Variants in USH2A observed in about 807,000 individuals in gnomAD.
The protein encoded by USH2A is Usher syndrome 2A (autosomal recessive, mild).
Under a neutral mutation model 538.9 loss-of-function variants are expected in USH2A, and 443 were observed. The ratio of observed to expected loss-of-function variants is 0.82; its 90% confidence interval spans 0.76 to 0.89. USH2A has a LOEUF of 0.89. USH2A is among the 40% of genes least tolerant of loss of function. USH2A has a pLI of 0.00. For missense variants in USH2A, 6,633 were observed against 6,324.8 expected (o/e 1.05, Z -1.65); for synonymous variants, 2,413 against 2,273.5 (o/e 1.06, Z -1.75).
At chr1:215,830,950 T>G (rs1303828693) in intron 47 of USH2A, among the ~76,000 whole-genome samples, 1 of 152,166 alleles carries the variant, frequency 6.6e-6, no homozygotes, top group African/African-American at 2.4e-5. Flanking sequence ...AACTCTAACT[T>G]TCTTCAAAGG....
intron 55 of USH2A, among the ~76,000 whole-genome samples, chr1:215,777,882 G>A (rs531798085): frequency 2.4e-4 from 36 of 152,276 alleles, no homozygotes; most frequent in African/African-American, 8.2e-4. Flanking sequence ...GAGAGTCAGA[G>A]AAGTCAAAAT....
At chr1:215,855,130 C>G (rs995939007) in intron 44 of USH2A, among the ~76,000 whole-genome samples, 1 of 152,092 alleles carries the variant, frequency 6.6e-6, no homozygotes, top group African/African-American at 2.4e-5. Context: ...CTAGCCAAAG[C>G]AATCAGACAA....
chr1:215,920,882 G>C (rs1350859949), intron 38 of USH2A, among the ~76,000 whole-genome samples: 2 of 151,944 alleles, frequency 1.3e-5, no homozygotes, highest in East Asian at 1.9e-4. Context: ...GGTCACGCAT[G>C]GTCATTTTGT....
At chr1:216,314,189 T>C (rs1287924703) in intron 9 of USH2A, among the ~76,000 whole-genome samples, 1 of 152,168 alleles carries the variant, frequency 6.6e-6, no homozygotes, top group African/African-American at 2.4e-5. Context: ...TGTAAGGCTG[T>C]CTTAATTTAT....
intron 3 of USH2A, among the ~76,000 whole-genome samples, chr1:216,399,469 C>A (rs1419846187): frequency 2.0e-5 from 3 of 152,068 alleles, no homozygotes; most frequent in Non-Finnish European, 2.9e-5. Flanking sequence ...TCCTTTTTCC[C>A]TTTCTTGTGA....
At chr1:216,264,746 C>A (rs1022022392) in intron 11 of USH2A, among the ~76,000 whole-genome samples, 2 of 152,052 alleles carry the variant, frequency 1.3e-5, no homozygotes, top group African/African-American at 4.8e-5. Flanking sequence ...GAATAGAGAA[C>A]CCAGAAATAA....
chr1:216,415,508 C>CTTTTTTTTTTTT (rs71161423), intron 3 of USH2A, among the ~76,000 whole-genome samples: 5 of 96,876 alleles, frequency 5.2e-5, no homozygotes, highest in East Asian at 3.6e-4. Flanking sequence ...CTTCCTGTCA[C>CTTTTTTTTTTTT]TTTTTTTTTT....
rs78797010 is a variant in USH2A at position 215,640,844 on chromosome 1, C to A, written c.14792-110G>T. The A allele has an allele frequency of 0.027, 13,090 of 492,656 alleles. 1 individual carries two copies. Among genetic ancestry groups the A allele is most frequent in the South Asian group, 0.09 (3,332 of 37,036 alleles). 30.5% of individuals were successfully genotyped at this position (492,656 alleles called of 1,614,324 possible). A position where few individuals can be genotyped will look rare whatever the true frequency, so the allele number is the denominator to read the frequency against. On this transcript the variant is annotated intron_variant, in intron 67 of 71. Coordinates refer to ENST00000307340, the MANE Select transcript of USH2A (RefSeq NM_206933.4). ...CAAAATCAAACCGAACCAATCCAAA[C>A]AAAAAAAAAAAAAAAAAAGAAAACC...
intron 15 of USH2A, among the ~76,000 whole-genome samples, chr1:216,215,507 A>C (rs1372120879): frequency 6.6e-6 from 1 of 152,072 alleles, no homozygotes; most frequent in Non-Finnish European, 1.5e-5. Context: ...CCCACCATTT[A>C]CATTTTTCTG....
intron 26 of USH2A, chr1:216,080,112 G>T (rs2031889951): frequency 6.6e-6 from 1 of 152,018 alleles, no homozygotes; most frequent in Admixed American, 6.6e-5. Context: ...TTTTGAGGAA[G>T]TCAAACATAA....
intron 3 of USH2A, among the ~76,000 whole-genome samples, chr1:216,408,339 A>G (rs1255363838): frequency 6.6e-6 from 1 of 152,170 alleles, no homozygotes; most frequent in East Asian, 1.9e-4. Flanking sequence ...AAGCGTATAC[A>G]TATATTGCGC....
chr1:215,733,764 T>C (rs1458721000), intron 60 of USH2A, among the ~76,000 whole-genome samples: 3 of 152,174 alleles, frequency 2.0e-5, no homozygotes, highest in Admixed American at 6.5e-5. Context: ...CAAAATAGTC[T>C]CCATTAACTC....
intron 43 of USH2A, among the ~76,000 whole-genome samples, chr1:215,870,287 ATTTTTTT>A (rs754723581): frequency 6.9e-6 from 1 of 145,194 alleles, no homozygotes; most frequent in African/African-American, 2.6e-5. Context: ...TTTATTTTTT[ATTTTTTT>A]TTTATTTATT....
At chr1:215,798,470 A>G (rs1662204563) in intron 50 of USH2A, among the ~76,000 whole-genome samples, 1 of 152,210 alleles carries the variant, frequency 6.6e-6, no homozygotes, top group South Asian at 2.1e-4. Flanking sequence ...AGGTAATAAT[A>G]TATAAAATAT....
chr1:215,835,073 AT>A (rs1002586007), intron 47 of USH2A, among the ~76,000 whole-genome samples: 8 of 133,914 alleles, frequency 6.0e-5, no homozygotes, highest in African/African-American at 2.0e-4. Context: ...TGAGGCTATA[AT>A]TTTTTTTCCT....
intron 64 of USH2A, among the ~76,000 whole-genome samples, chr1:215,654,091 G>T (rs1019792842): frequency 2.0e-5 from 3 of 151,654 alleles, no homozygotes; most frequent in Admixed American, 2.0e-4. Context: ...ATGGCCAAGA[G>T]AAAAAAAAGC....
At chr1:215,632,749 C>T (rs1656324403) in intron 70 of USH2A, among the ~76,000 whole-genome samples, 1 of 152,136 alleles carries the variant, frequency 6.6e-6, no homozygotes, top group Non-Finnish European at 1.5e-5. Flanking sequence ...CACTGCCTTC[C>T]TCCAGCAGCA....
intron 69 of USH2A, among the ~76,000 whole-genome samples, chr1:215,638,847 C>T (rs1656581824): frequency 6.7e-6 from 1 of 149,308 alleles, no homozygotes; most frequent in Non-Finnish European, 1.5e-5. Flanking sequence ...GTGTGGTGGC[C>T]CGTGCCTGTA....
chr1:216,249,819 A>C (rs2036124416), intron 12 of USH2A, among the ~76,000 whole-genome samples: 1 of 152,132 alleles, frequency 6.6e-6, no homozygotes, highest in Admixed American at 6.5e-5. Flanking sequence ...AAATGAAAAT[A>C]GTATTCAGAA....
Sources: gnomAD v4.1 joint callset for allele counts (sites outside exome capture counted in the v4.1 genomes callset) on GRCh38, gnomAD v4.1.1 for gene constraint, MANE v1.5 for transcripts, NCBI Gene and HGNC (gene_info 2026-07-23, HGNC 2026-07-21) for gene names.